The following CHIC1 variants were observed in gnomAD, a reference collection of about 807,000 sequenced individuals.
CHIC1 encodes cysteine-rich hydrophobic domain-containing protein 1.
CHIC1 carries 7 observed loss-of-function variants against 18.5 expected under a neutral mutation model. The observed-to-expected ratio is 0.38, with a 90% CI of 0.22 to 0.71. The LOEUF is 0.71. Among genes scored for constraint, CHIC1 ranks in the 30% least tolerant of loss-of-function variants. The pLI is 0.49. For synonymous variants in CHIC1, 77 were observed against 73.5 expected (o/e 1.05, Z -0.25); for missense variants, 159 against 176.9 (o/e 0.90, Z 0.57).
intron 3 of CHIC1, among the ~76,000 whole-genome samples, chrX:73,655,432 G>GTA (rs1231363053): frequency 9.3e-5 from 6 of 64,468 alleles, no homozygotes; most frequent in South Asian, 7.8e-4. Flanking sequence ...TATAGTGTGT[G>GTA]TATATATATA....
intron 3 of CHIC1, among the ~76,000 whole-genome samples, chrX:73,622,559 G>A (rs2057765064): frequency 9.0e-6 from 1 of 110,682 alleles, no homozygotes; most frequent in Non-Finnish European, 1.9e-5. Context: ...ATTTTTTATT[G>A]TGTGTATTTT....
At chrX:73,597,144 A>G (rs1054139137) in intron 3 of CHIC1, among the ~76,000 whole-genome samples, 8 of 112,208 alleles carry the variant, frequency 7.1e-5, no homozygotes, top group African/African-American at 2.3e-4. Flanking sequence ...ATCCTCATCA[A>G]TGTGTGTTAT....
At chrX:73,642,551 T>C (rs1225993356) in intron 3 of CHIC1, among the ~76,000 whole-genome samples, 2 of 104,470 alleles carry the variant, frequency 1.9e-5, no homozygotes, top group Non-Finnish European at 4.0e-5. Flanking sequence ...ATTTTGTCTT[T>C]TGTTGCCATT....
intron 3 of CHIC1, among the ~76,000 whole-genome samples, chrX:73,675,303 G>A (rs1027025614): frequency 1.6e-4 from 18 of 111,344 alleles, no homozygotes; most frequent in African/African-American, 4.9e-4. Flanking sequence ...TTTCTGTCTC[G>A]TTGATCTGTC....
chrX:73,624,578 A>G (rs770689948), intron 3 of CHIC1, among the ~76,000 whole-genome samples: 13 of 112,194 alleles, frequency 1.2e-4, no homozygotes, highest in South Asian at 3.7e-4. Context: ...TTGAGCTTGC[A>G]TAGGCTTTTA....
chrX:73,683,324 A>C lies in CHIC1; in HGVS notation c.*2319A>C, dbSNP rs1349953871. 1.8e-5 allele frequency: 2 copies of C among 111,600 alleles called. No individual in the cohort carries two copies. The highest frequency in any genetic ancestry group is 3.8e-5 in the Non-Finnish European group (2 of 52,875). The allele number at this position is 111,600 out of a possible 1,213,427, so 9.2% of individuals were successfully genotyped here. A position where few individuals can be genotyped will look rare whatever the true frequency, so the allele number is the denominator to read the frequency against. On this transcript the variant is annotated 3_prime_UTR_variant, in exon 6 of 6. Transcript: ENST00000373502. ...TCATCTTAGTTTCTTCAACTACCCA[A>C]AAAAATACCAATTTTTTTCCTCTCT...
intron 1 of CHIC1, among the ~76,000 whole-genome samples, chrX:73,567,318 C>T (rs1478918112): frequency 9.1e-6 from 1 of 109,825 alleles, no homozygotes; most frequent in Non-Finnish European, 1.9e-5. Flanking sequence ...AAAAACCTCC[C>T]GACACCCCTC....
rs776502859 is a variant in CHIC1 at position 73,622,080 on chromosome X, C to G, written c.507+37508C>G. 1.3e-3 allele frequency among the ~76,000 whole-genome samples: 147 copies of G among 112,030 alleles called. 2 individuals carry two copies. Among genetic ancestry groups the G allele is most frequent in the Admixed American group, 3.8e-3 (40 of 10,570 alleles). On this transcript the variant is annotated intron_variant, in intron 3 of 5. Transcript: ENST00000373502. Reference sequence around the variant, plus strand: ...CATGGTGGATAAGCTTTTTGATTTGCTGCTGGATTTGGTTTGCCAGTATTT... The same window carrying G: ...CATGGTGGATAAGCTTTTTGATTTGGTGCTGGATTTGGTTTGCCAGTATTT...
At chrX:73,677,626 G>T (rs772818220) in intron 3 of CHIC1, among the ~76,000 whole-genome samples, 1 of 112,059 alleles carries the variant, frequency 8.9e-6, no homozygotes, top group African/African-American at 3.2e-5. Context: ...GATTTTCCAG[G>T]TGCCATCTGT....
intron 3 of CHIC1, among the ~76,000 whole-genome samples, chrX:73,606,913 C>T (rs2057685923): frequency 9.2e-6 from 1 of 108,887 alleles, no homozygotes; most frequent in Admixed American, 9.6e-5. Flanking sequence ...TGAGGTATCT[C>T]TTGACTACTC....
At chrX:73,639,706 G>C (rs895700519) in intron 3 of CHIC1, among the ~76,000 whole-genome samples, 4 of 111,488 alleles carry the variant, frequency 3.6e-5, no homozygotes, top group Non-Finnish European at 7.5e-5. Context: ...TAGGAAAGTG[G>C]TCCAGTGTTT....
chrX:73,660,487 A>G (rs2057974487), intron 3 of CHIC1, among the ~76,000 whole-genome samples: 1 of 112,235 alleles, frequency 8.9e-6, no homozygotes. Context: ...GAGCATAAAA[A>G]GGATTAATAC....
intron 1 of CHIC1, among the ~76,000 whole-genome samples, chrX:73,572,517 T>G (rs2057475943): frequency 9.0e-6 from 1 of 111,512 alleles, no homozygotes; most frequent in Non-Finnish European, 1.9e-5. Context: ...GTTCTGTTTT[T>G]GATTCTTTGA....
At chrX:73,663,900 C>T (rs749764847) in intron 3 of CHIC1, among the ~76,000 whole-genome samples, 30 of 111,645 alleles carry the variant, frequency 2.7e-4, no homozygotes, top group Non-Finnish European at 4.3e-4. Context: ...ATCACTACCC[C>T]GGTAAGCACA....
intron 3 of CHIC1, among the ~76,000 whole-genome samples, chrX:73,625,434 C>T (rs898283674): frequency 6.3e-5 from 7 of 111,500 alleles, no homozygotes; most frequent in Admixed American, 3.8e-4. Context: ...GTGGGGAAGG[C>T]GAAGAGCTCA....
chrX:73,658,703 A>G (rs1181766257), intron 3 of CHIC1, among the ~76,000 whole-genome samples: 2 of 110,193 alleles, frequency 1.8e-5, no homozygotes, highest in African/African-American at 3.3e-5. Flanking sequence ...TTGGTTCTCT[A>G]GTTCTTTTTG....
rs1289156663 is a variant in CHIC1, at chrX:73,684,405, C to T, written c.*3400C>T. 1.8e-5 allele frequency: 2 copies of T among 111,029 alleles called. No homozygotes were observed. The highest frequency in any genetic ancestry group is 9.6e-5 in the Admixed American group (1 of 10,418). The allele number at this position is 111,029 out of a possible 1,213,427, so 9.2% of individuals were successfully genotyped here. A position where few individuals can be genotyped will look rare whatever the true frequency, so the allele number is the denominator to read the frequency against. ...ATGAAATTTGAATAAAGTTTAAAAACGTGTAAGCCTTTGAACAAATGTATG... is the reference window on the plus strand; with the variant it reads ...ATGAAATTTGAATAAAGTTTAAAAATGTGTAAGCCTTTGAACAAATGTATG... On this transcript the variant is annotated 3_prime_UTR_variant, in exon 6 of 6. Transcript: ENST00000373502.
chrX:73,677,191 G>C (rs1285622726), intron 3 of CHIC1, among the ~76,000 whole-genome samples: 1 of 112,179 alleles, frequency 8.9e-6, no homozygotes, highest in Non-Finnish European at 1.9e-5. Flanking sequence ...GGACCCACTT[G>C]AGGAGGCTGT....
At chrX:73,620,832 G>A (rs1401195433) in intron 3 of CHIC1, among the ~76,000 whole-genome samples, 4 of 111,825 alleles carry the variant, frequency 3.6e-5, no homozygotes, top group African/African-American at 1.3e-4. Context: ...TATGGTTTTG[G>A]GTTTTACTTT....
Sources: gnomAD v4.1 joint callset for allele counts (sites outside exome capture counted in the v4.1 genomes callset) on GRCh38, gnomAD v4.1.1 for gene constraint, MANE v1.5 for transcripts, NCBI Gene and HGNC (gene_info 2026-07-23, HGNC 2026-07-21) for gene names.